PHF2: variants seen among roughly 807,000 people sequenced by gnomAD.
PHF2 encodes lysine-specific demethylase PHF2.
PHF2 carries 27 observed loss-of-function variants against 120.5 expected under a neutral mutation model. The observed-to-expected ratio is 0.22, with a 90% CI of 0.17 to 0.31. The LOEUF (loss-of-function observed/expected upper bound fraction) is 0.31, where lower values mean the gene tolerates loss of function less well. Among genes scored for constraint, PHF2 ranks in the 10% least tolerant of loss-of-function variants. The probability of loss-of-function intolerance (pLI) is 1.00; values close to 1 mark genes in which losing one functional copy is unlikely to be tolerated. For synonymous variants in PHF2, 568 were observed against 592.5 expected (o/e 0.96, Z 0.60); for missense variants, 1,024 against 1,434.8 (o/e 0.71, Z 4.63).
chr9:93,629,158 C>T (rs932283617), intron 1 of PHF2, among the ~76,000 whole-genome samples: 1 of 152,168 alleles, frequency 6.6e-6, no homozygotes, highest in Non-Finnish European at 1.5e-5. Flanking sequence ...ACCTCGGCCT[C>T]TCAAAGTGCT....
chr9:93,656,432 C>T lies in PHF2; in HGVS notation c.1041-57C>T. On this transcript the variant is annotated intron_variant, in intron 8 of 21. Coordinates refer to ENST00000359246, the MANE Select transcript of PHF2 (RefSeq NM_005392.4). The surrounding 1 kb of genome is among the most constrained non-coding windows in gnomAD (Gnocchi z 4.1). ...GTGTGTCTGGGGCCTGGATTGATGC[C>T]CAGCGTCGCCTGCTTGATGGTCAGT... The T allele has an allele frequency of 8.2e-7, 1 of 1,224,040 alleles. No individual in the cohort carries two copies. Among genetic ancestry groups the T allele is most frequent in the Non-Finnish European group, 1.2e-6 (1 of 830,372 alleles). The allele number at this position is 1,224,040 out of a possible 1,614,324, so 75.8% of individuals were successfully genotyped here.
At chr9:93,676,459 G>A (rs13288704) in intron 20 of PHF2, 135 bp from the exon 21 acceptor site, 4 of 1,059,972 alleles carry the variant, frequency 3.8e-6, no homozygotes, top group Admixed American at 5.5e-5. Context: ...TGGCGGCCCA[G>A]AGTCAGGCCT....
rs574506424 is a variant in PHF2, at chr9:93,641,129, GC to G, written c.300-4498del. Among the ~76,000 whole-genome samples, 655 of 152,306 alleles carry G rather than the reference GC, an allele frequency of 4.3e-3. 4 individuals are homozygous for G. The highest frequency in any genetic ancestry group is 0.015 in the African/African-American group (627 of 41,562). On this transcript the variant is annotated intron_variant, in intron 3 of 21. Coordinates refer to ENST00000359246, the MANE Select transcript of PHF2 (RefSeq NM_005392.4). ...CTGTGATCATTAGGAGCATTTCTCA[GC>G]CTTTTTAATTTTTCTCTCCTTATCT...
At chr9:93,631,577 C>T (rs561948733) in intron 2 of PHF2, among the ~76,000 whole-genome samples, 4 of 152,328 alleles carry the variant, frequency 2.6e-5, no homozygotes, top group East Asian at 1.9e-4. Context: ...TTCAGCCCAG[C>T]GGGGCATCCT....
At chr9:93,589,269 A>T (rs1863124737) in intron 1 of PHF2, among the ~76,000 whole-genome samples, 1 of 152,178 alleles carries the variant, frequency 6.6e-6, no homozygotes, top group South Asian at 2.1e-4. Flanking sequence ...CCTTTCTAAT[A>T]ATTGAAACTG....
At chr9:93,663,056 G>T (rs772768335) in intron 13 of PHF2, 30 bp downstream of exon 13, 35 of 1,613,252 alleles carry the variant, frequency 2.2e-5, no homozygotes, top group South Asian at 4.4e-5. Context: ...ATGCACACGT[G>T]TGTGTGTCAG....
intron 1 of PHF2, among the ~76,000 whole-genome samples, chr9:93,612,374 A>G (rs930051171): frequency 6.6e-5 from 10 of 152,268 alleles, no homozygotes; most frequent in Admixed American, 6.5e-4. Context: ...CTGTGGCAGC[A>G]GGAACATGTG....
At position 93,576,819 on chromosome 9, in the gene PHF2, GT is replaced by G; in HGVS notation, c.48del (p.Thr17ProfsTer4). The part of the protein sequence containing the change: ...VYCVCRLPYD[V>X]TRFMIECDAC... ...CTGCGTCTGCCGGCTCCCCTACGACGTTACCCGCTTCATGATCGAGTGCGAC... is the reference window on the plus strand; with the variant it reads ...CTGCGTCTGCCGGCTCCCCTACGACGTACCCGCTTCATGATCGAGTGCGAC... On this transcript the variant is annotated frameshift_variant, in exon 1 of 22. Coordinates refer to ENST00000359246, the MANE Select transcript of PHF2 (RefSeq NM_005392.4). LOFTEE classifies it high-confidence loss of function. 1.5e-6 allele frequency: 2 copies of G among 1,291,034 alleles called. No individual in the cohort carries two copies. Among genetic ancestry groups the G allele is most frequent in the Non-Finnish European group, 2.0e-6 (2 of 984,558 alleles). The allele number at this position is 1,291,034 out of a possible 1,614,324, so 80.0% of individuals were successfully genotyped here.
intron 7 of PHF2, among the ~76,000 whole-genome samples, chr9:93,655,276 G>GTTTTTTTTTTT (rs71364388): frequency 7.0e-6 from 1 of 143,792 alleles, no homozygotes; most frequent in Non-Finnish European, 1.5e-5. Context: ...TATAGGGTTG[G>GTTTTTTTTTTT]TTTTTTTTTT....
intron 3 of PHF2, among the ~76,000 whole-genome samples, chr9:93,637,505 CTT>C (rs1826113266): frequency 6.6e-6 from 1 of 152,198 alleles, no homozygotes; most frequent in African/African-American, 2.4e-5. Context: ...TACTAATCCA[CTT>C]TCTTGTTTCT....
chr9:93,595,560 C>T (rs1278530968), intron 1 of PHF2, among the ~76,000 whole-genome samples: 1 of 152,254 alleles, frequency 6.6e-6, no homozygotes, highest in South Asian at 2.1e-4. Context: ...AAAGCTGTGT[C>T]TGGAATGCCT....
chr9:93,649,449 G>A (rs1028041222), intron 5 of PHF2, among the ~76,000 whole-genome samples: 4 of 136,978 alleles, frequency 2.9e-5, no homozygotes, highest in South Asian at 2.3e-4. Flanking sequence ...TGAAGGTGAC[G>A]TATTGAGAAC....
In PHF2 at chr9:93,677,510, C is replaced by T. The variant is rs1826940242; in HGVS notation, c.3203-78C>T. ...GCTGCCCCTTAGTGTCAGCGGGACCCTCCCCCCCACCGGCATGCCACGCCC... is the reference window on the plus strand; with the variant it reads ...GCTGCCCCTTAGTGTCAGCGGGACCTTCCCCCCCACCGGCATGCCACGCCC... On this transcript the variant is annotated intron_variant, in intron 21 of 21. Transcript: ENST00000359246. This position sits in a 1 kb window ranked among gnomAD's most constrained non-coding sequence, Gnocchi z 4.4. 1 of 1,061,450 alleles carries T rather than the reference C, an allele frequency of 9.4e-7. No homozygotes were observed. The highest frequency in any genetic ancestry group is 1.4e-6 in the Non-Finnish European group (1 of 692,150). The allele number at this position is 1,061,450 out of a possible 1,614,324, so 65.8% of individuals were successfully genotyped here.
In PHF2 at chr9:93,645,513, G is replaced by T. The variant is rs888265706; in HGVS notation, c.300-116G>T. ...CGGCCAGGCCTCCTCCTGTGGCTGTGGGAGGTGGGTGGCCAGACCCAGGCT... is the reference window on the plus strand; with the variant it reads ...CGGCCAGGCCTCCTCCTGTGGCTGTTGGAGGTGGGTGGCCAGACCCAGGCT... On this transcript the variant is annotated intron_variant, in intron 3 of 21. Transcript: ENST00000359246. 12 of 1,061,786 alleles carry T rather than the reference G, an allele frequency of 1.1e-5. 1 individual carries two copies. In the South Asian group the frequency reaches 2.3e-4, roughly 20 times the overall value. 65.8% of individuals were successfully genotyped at this position (1,061,786 alleles called of 1,614,324 possible).
chr9:93,657,248 T>C (rs1328248450), intron 9 of PHF2, among the ~76,000 whole-genome samples: 2 of 152,178 alleles, frequency 1.3e-5, no homozygotes, highest in East Asian at 3.9e-4. Flanking sequence ...AGTTGCTCTT[T>C]TTTGGTTCTA....
At chr9:93,655,625 C>T (rs1224123952) in intron 7 of PHF2, among the ~76,000 whole-genome samples, 1 of 152,246 alleles carries the variant, frequency 6.6e-6, no homozygotes, top group Non-Finnish European at 1.5e-5. Flanking sequence ...AGCTCTGGGC[C>T]TCGGTTTCCC....
At chr9:93,651,840 G>T (rs1053161244) in intron 5 of PHF2, among the ~76,000 whole-genome samples, 1 of 152,204 alleles carries the variant, frequency 6.6e-6, no homozygotes, top group African/African-American at 2.4e-5. Context: ...GGGAGGCAGG[G>T]ACAGCCTGGC....
intron 1 of PHF2, among the ~76,000 whole-genome samples, chr9:93,583,915 G>C (rs571778975): frequency 6.9e-6 from 1 of 144,852 alleles, no homozygotes; most frequent in African/African-American, 2.6e-5. Context: ...CACAACCTCT[G>C]CCTCCCTGGT....
intron 1 of PHF2, among the ~76,000 whole-genome samples, chr9:93,603,739 G>A (rs1825487804): frequency 6.6e-6 from 1 of 152,060 alleles, no homozygotes; most frequent in Non-Finnish European, 1.5e-5. Context: ...GCCTGGTAGC[G>A]CCCCTCATCT....
Sources: allele counts gnomAD v4.1 joint callset (sites outside exome capture counted in the v4.1 genomes callset), GRCh38; gene constraint gnomAD v4.1.1; non-coding constraint Gnocchi (gnomAD v3.1); transcripts MANE v1.5; gene names NCBI Gene and HGNC (gene_info 2026-07-23, HGNC 2026-07-21).